The following LIFR variants were observed in gnomAD, a reference collection of about 807,000 sequenced individuals.
The protein encoded by LIFR is LIF receptor subunit alpha.
A neutral mutation model predicts 122.2 loss-of-function variants in LIFR; 84 were observed. That is an observed-to-expected ratio of 0.69 (90% confidence interval 0.58 to 0.82). The LOEUF (loss-of-function observed/expected upper bound fraction) is 0.82. Ranked by LOEUF, LIFR falls within the 40% of genes least tolerant of loss-of-function variation. The probability of loss-of-function intolerance (pLI) is 0.00; values close to 1 mark genes in which losing one functional copy is unlikely to be tolerated. For missense variants in LIFR, 1,294 were observed against 1,311.6 expected (o/e 0.99, Z 0.21); for synonymous variants, 422 against 434.7 (o/e 0.97, Z 0.36).
intron 13 of LIFR, among the ~76,000 whole-genome samples, chr5:38,494,189 C>T (rs184889343): frequency 9.2e-5 from 14 of 152,214 alleles, no homozygotes; most frequent in East Asian, 5.8e-4. Context: ...ACTATGAATG[C>T]GTGCAGAGAA....
At chr5:38,605,227 G>A (rs554678927) in intron 2 of LIFR, among the ~76,000 whole-genome samples, 1 of 152,216 alleles carries the variant, frequency 6.6e-6, no homozygotes, top group East Asian at 1.9e-4. Flanking sequence ...CCTGAGGGGT[G>A]AGTTTTATTT....
chr5:38,587,830 G>A (rs1749799915), intron 1 of LIFR, among the ~76,000 whole-genome samples: 1 of 152,078 alleles, frequency 6.6e-6, no homozygotes, highest in Non-Finnish European at 1.5e-5. Flanking sequence ...ATTCTAGTCG[G>A]GGCAACTTAT....
rs970075864 is a variant in LIFR at position 38,569,912 on chromosome 5, C to T, written c.-20+25349G>A. On this transcript the variant is annotated intron_variant, in intron 1 of 19. Transcript: ENST00000263409. ...TGGGTAAGTGCAGTAATGAGGCCCT[C>T]ATCATTTTATTCCCCCTTAGTTCTT... 1.2e-4 allele frequency among the ~76,000 whole-genome samples: 19 copies of T among 152,298 alleles called. 1 individual carries two copies. The South Asian group carries it at 3.7e-3, about 30-fold the overall frequency.
rs1398720792 is a variant in LIFR at position 38,477,673 on chromosome 5, T to C, written c.*3922A>G. 4.6e-6 allele frequency: 1 copy of C among 216,850 alleles called. No homozygotes were observed. The highest frequency in any genetic ancestry group is 9.3e-6 in the Non-Finnish European group (1 of 107,594). 13.4% of individuals were successfully genotyped at this position (216,850 alleles called of 1,614,324 possible). On this transcript the variant is annotated 3_prime_UTR_variant, in exon 20 of 20. Coordinates refer to ENST00000453190, the MANE Select transcript of LIFR (RefSeq NM_001127671.2). ...GTCACTTCCGAAGTAGATTTGAATC[T>C]TTGAGTCAATAGTCTCAGATCCACA... is the stretch of plus-strand genomic sequence containing the variant.
chr5:38,603,041 C>A (rs1032434404), intron 2 of LIFR, among the ~76,000 whole-genome samples: 18 of 152,136 alleles, frequency 1.2e-4, no homozygotes. Context: ...GTAAGGCAGG[C>A]ACTGTGCACG....
chr5:38,511,526 T>C (rs1745803073), intron 6 of LIFR, among the ~76,000 whole-genome samples: 1 of 152,088 alleles, frequency 6.6e-6, no homozygotes, highest in South Asian at 2.1e-4. Context: ...ACACAATTTT[T>C]AATGCTCTTC....
intron 2 of LIFR, among the ~76,000 whole-genome samples, chr5:38,601,711 T>C (rs766312159): frequency 6.6e-5 from 10 of 152,188 alleles, no homozygotes; most frequent in Non-Finnish European, 8.8e-5. Flanking sequence ...CATCTTTGCG[T>C]TTCCTTTTTC....
chr5:38,550,943 T>A (rs1748168659), intron 1 of LIFR, among the ~76,000 whole-genome samples: 1 of 152,210 alleles, frequency 6.6e-6, no homozygotes, highest in Admixed American at 6.5e-5. Context: ...TTGATTTTTG[T>A]TTAAGTGCTT....
intron 2 of LIFR, among the ~76,000 whole-genome samples, chr5:38,529,716 A>G (rs920928455): frequency 6.6e-6 from 1 of 152,172 alleles, no homozygotes; most frequent in Non-Finnish European, 1.5e-5. Context: ...AAGGTAGTCC[A>G]TCTCAGATTC....
intron 4 of LIFR, among the ~76,000 whole-genome samples, chr5:38,524,565 C>T (rs1397993107): frequency 6.6e-6 from 1 of 152,082 alleles, no homozygotes; most frequent in Non-Finnish European, 1.5e-5. Flanking sequence ...GGGAAACAAC[C>T]AATATTCTCT....
At chr5:38,518,541 G>C (rs558882010) in intron 5 of LIFR, among the ~76,000 whole-genome samples, 1 of 152,138 alleles carries the variant, frequency 6.6e-6, no homozygotes, top group African/African-American at 2.4e-5. Context: ...ATGTCATAGT[G>C]CAACGTATTA....
At chr5:38,542,484 C>A (rs1747645146) in intron 1 of LIFR, among the ~76,000 whole-genome samples, 1 of 152,116 alleles carries the variant, frequency 6.6e-6, no homozygotes, top group Non-Finnish European at 1.5e-5. Flanking sequence ...TTCCCTCAGC[C>A]TGCACAAAGG....
intron 1 of LIFR, among the ~76,000 whole-genome samples, chr5:38,571,789 G>A (rs932680808): frequency 3.9e-5 from 6 of 152,178 alleles, no homozygotes; most frequent in Admixed American, 2.6e-4. Context: ...GTCTTTTAGT[G>A]TGCTTCCCTT....
rs776524743 is a variant in LIFR, at chr5:38,499,585, TA to T, written c.1601-3del. 16 of 1,600,036 alleles carry T rather than the reference TA, an allele frequency of 1.0e-5. No homozygotes were observed. The highest frequency in any genetic ancestry group is 5.0e-5 in the Admixed American group (3 of 59,996). Reference sequence around the variant, plus strand: ...AAGTATCAGGCCCCTTTGAAGGACCTAAAAAGGAGATTTTAAAGTTAATATC... The same window carrying T: ...AAGTATCAGGCCCCTTTGAAGGACCTAAAAGGAGATTTTAAAGTTAATATC... On this transcript the variant is annotated splice_region_variant and splice_polypyrimidine_tract_variant and intron_variant, in intron 11 of 19. Coordinates refer to ENST00000453190, the MANE Select transcript of LIFR (RefSeq NM_001127671.2).
At chr5:38,538,688 T>C (rs1266259879) in intron 1 of LIFR, among the ~76,000 whole-genome samples, 1 of 152,218 alleles carries the variant, frequency 6.6e-6, no homozygotes, top group Non-Finnish European at 1.5e-5. Context: ...CCATTTCTAC[T>C]GCTCTGGAGG....
Position 38,475,299 on chromosome 5 carries a change from C to T in LIFR, c.*6296G>A, listed in dbSNP as rs1347324241. 5.1e-6 allele frequency: 1 copy of T among 194,812 alleles called. No individual in the cohort carries two copies. Among genetic ancestry groups the T allele is most frequent in the Non-Finnish European group, 1.1e-5 (1 of 93,630 alleles). The allele number at this position is 194,812 out of a possible 1,614,324, so 12.1% of individuals were successfully genotyped here. ...GAGTTGTTTTATTCCATATTACTCT[C>T]AGAATTCTGTGAATCAGACTGAATC... On this transcript the variant is annotated 3_prime_UTR_variant, in exon 20 of 20. Transcript: ENST00000453190.
intron 1 of LIFR, among the ~76,000 whole-genome samples, chr5:38,564,797 C>T (rs537993073): frequency 2.7e-5 from 4 of 149,306 alleles, no homozygotes; most frequent in Admixed American, 6.7e-5. Context: ...TTTTTTGAGT[C>T]AGAGTCTCAC....
chr5:38,498,317 C>T (rs907358098), intron 12 of LIFR, among the ~76,000 whole-genome samples: 1 of 152,194 alleles, frequency 6.6e-6, no homozygotes, highest in Non-Finnish European at 1.5e-5. Flanking sequence ...ATCTCCTCTG[C>T]TGGTTCCTCC....
At chr5:38,485,693 C>CA in intron 17 of LIFR, 126 bp downstream of exon 17, 1 of 1,069,668 alleles carries the variant, frequency 9.3e-7, no homozygotes, top group Non-Finnish European at 1.4e-6. Flanking sequence ...CTCTACCAGC[C>CA]AAAAACTGCA....
Sources: gnomAD v4.1 joint callset for allele counts (sites outside exome capture counted in the v4.1 genomes callset) on GRCh38, gnomAD v4.1.1 for gene constraint, MANE v1.5 for transcripts, NCBI Gene and HGNC (gene_info 2026-07-23, HGNC 2026-07-21) for gene names.